Variants in LRRC49 observed in about 807,000 individuals in gnomAD.
LRRC49 encodes leucine-rich repeat-containing protein 49.
LRRC49 carries 50 observed loss-of-function variants against 83.3 expected under a neutral mutation model. The ratio of observed to expected loss-of-function variants is 0.60; its 90% confidence interval spans 0.48 to 0.76. LRRC49 has a LOEUF of 0.76. Among genes scored for constraint, LRRC49 ranks in the 30% least tolerant of loss-of-function variants. The pLI is 0.00. For synonymous variants in LRRC49, 286 were observed against 283.3 expected, an observed-to-expected ratio of 1.01 and a Z score of -0.10; for missense variants, 704 against 809.1, an observed-to-expected ratio of 0.87 and a Z score of 1.58.
chr15:70,911,064 G>A (rs1004960513), intron 5 of LRRC49, among the ~76,000 whole-genome samples: 1 of 152,110 alleles, frequency 6.6e-6, no homozygotes, highest in Non-Finnish European at 1.5e-5. Flanking sequence ...AGGGGAGTAG[G>A]AACAGCAAGA....
At chr15:70,953,943 G>T (rs966064749) in intron 8 of LRRC49, among the ~76,000 whole-genome samples, 1 of 151,864 alleles carries the variant, frequency 6.6e-6, no homozygotes, top group Admixed American at 6.6e-5. Flanking sequence ...CTCCTAGACT[G>T]TAGTGCAGTG....
intron 15 of LRRC49, among the ~76,000 whole-genome samples, chr15:71,047,881 A>G (rs1343071894): frequency 2.0e-5 from 3 of 151,786 alleles, no homozygotes; most frequent in Non-Finnish European, 2.9e-5. Flanking sequence ...GGTTCAAGCA[A>G]TTCTCCTGCC....
chr15:70,991,155 C>G (rs574948589), intron 11 of LRRC49, among the ~76,000 whole-genome samples: 1 of 152,300 alleles, frequency 6.6e-6, no homozygotes, highest in South Asian at 2.1e-4. Context: ...CTCACAACCT[C>G]TTTTCTTCTA....
At chr15:70,855,682 C>G (rs1448286193) in intron 1 of LRRC49, among the ~76,000 whole-genome samples, 5 of 152,286 alleles carry the variant, frequency 3.3e-5, no homozygotes, top group South Asian at 2.1e-4. Context: ...GAATCTGTGT[C>G]CCTTTCTTTG....
intron 9 of LRRC49, among the ~76,000 whole-genome samples, chr15:70,966,585 G>T (rs550610771): frequency 6.6e-6 from 1 of 152,148 alleles, no homozygotes; most frequent in South Asian, 2.1e-4. Context: ...AGTAGTTGTG[G>T]TTATTTAAAA....
chr15:70,917,062 C>T (rs1008419882), intron 6 of LRRC49, among the ~76,000 whole-genome samples: 5 of 152,196 alleles, frequency 3.3e-5, no homozygotes, highest in African/African-American at 1.2e-4. Flanking sequence ...GCCAAGTGTG[C>T]ACATGCTTGG....
intron 8 of LRRC49, among the ~76,000 whole-genome samples, chr15:70,944,776 C>T (rs1187101855): frequency 6.6e-6 from 1 of 152,164 alleles, no homozygotes; most frequent in Non-Finnish European, 1.5e-5. Flanking sequence ...ATTTTCTTTG[C>T]TCAGAAGGCC....
chr15:70,955,055 G>A lies in LRRC49; in HGVS notation c.774-8730G>A, dbSNP rs533485959. Among the ~76,000 whole-genome samples the A allele has an allele frequency of 3.3e-5, 5 of 152,118 alleles. No homozygotes were observed. The South Asian group carries it at 8.3e-4, about 25-fold the overall frequency. ...AGCTTGGGGTGCTGTGGGTAGGGTC[G>A]CTTCTGCAGGGGGAAACCATGGGTG... On this transcript the variant is annotated intron_variant, in intron 8 of 15. Transcript: ENST00000260382.
chr15:71,049,656 G>T lies in LRRC49; in HGVS notation c.*44G>T, dbSNP rs201642117. 2 of 1,379,390 alleles carry T rather than the reference G, an allele frequency of 1.4e-6. No homozygotes were observed. Among genetic ancestry groups the T allele is most frequent in the Non-Finnish European group, 2.0e-6 (2 of 979,452 alleles). The allele number at this position is 1,379,390 out of a possible 1,614,324, so 85.4% of individuals were successfully genotyped here. On this transcript the variant is annotated 3_prime_UTR_variant, in exon 16 of 16. Coordinates refer to ENST00000260382, the MANE Select transcript of LRRC49 (RefSeq NM_017691.5). The stretch of plus-strand genomic sequence containing the variant: ...GTTGATTTTGGCAGTTTTATTTTTT[G>T]AAGGTTGAAAATATGCAGGTTATAC...
At chr15:70,884,278 C>T (rs1290084460) in intron 2 of LRRC49, among the ~76,000 whole-genome samples, 1 of 152,054 alleles carries the variant, frequency 6.6e-6, no homozygotes, top group East Asian at 1.9e-4. Flanking sequence ...TAGCTCACGC[C>T]TCCCAGCACT....
chr15:71,011,972 G>A (rs1050842731), intron 13 of LRRC49, among the ~76,000 whole-genome samples: 1 of 151,918 alleles, frequency 6.6e-6, no homozygotes, highest in Non-Finnish European at 1.5e-5. Context: ...TTGTTGTGGG[G>A]GCTGTCCTCT....
Position 71,049,477 on chromosome 15 carries a change from C to T in LRRC49, c.1926C>T (p.Ile642=), listed in dbSNP as rs1326062249. ...ACCTTGTGAAGGAAGCCACAGAAAT[C>T]AACATGAAAAATGAGGCTTTGCAGA... The part of the protein sequence containing the change: ...IEDLVKEATE[I]NMKNEALQKL... Residue 642 remains isoleucine (I), a synonymous_variant, in exon 16 of 16, where the codon ATC becomes ATT. Transcript: ENST00000260382. 6.2e-7 allele frequency: 1 copy of T among 1,613,536 alleles called. No individual in the cohort carries two copies. The highest frequency in any genetic ancestry group is 1.1e-5 in the South Asian group (1 of 91,040).
intron 2 of LRRC49, among the ~76,000 whole-genome samples, chr15:70,879,772 G>A (rs2033225662): frequency 6.6e-6 from 1 of 152,144 alleles, no homozygotes; most frequent in Admixed American, 6.5e-5. Context: ...AAGTCCCACA[G>A]AGGAATATTT....
chr15:70,875,846 A>G lies in LRRC49; in HGVS notation c.18+2623A>G, dbSNP rs148160809. Among the ~76,000 whole-genome samples the G allele has an allele frequency of 2.0e-3, 298 of 152,356 alleles. 1 individual carries two copies. The highest frequency in any genetic ancestry group is 6.8e-3 in the Middle Eastern group (2 of 294). Reference sequence around the variant, plus strand: ...TGAAAGAAGCATCCAGGCTGTTGCCATGTCCCAATAATTTTTTCTCCCACT... The same window carrying G: ...TGAAAGAAGCATCCAGGCTGTTGCCGTGTCCCAATAATTTTTTCTCCCACT... On this transcript the variant is annotated intron_variant, in intron 2 of 16. Transcript: ENST00000544974.
intron 3 of LRRC49, chr15:70,900,298 T>A: frequency 2.7e-6 from 1 of 369,454 alleles, no homozygotes; most frequent in South Asian, 2.1e-5. Context: ...CTAACTACGG[T>A]ATGCTAGATT....
intron 14 of LRRC49, 73 bp downstream of exon 14, chr15:71,012,986 C>G: frequency 1.1e-6 from 1 of 893,710 alleles, no homozygotes; most frequent in Non-Finnish European, 1.8e-6. Flanking sequence ...CCACATACCT[C>G]CTAACTATGC....
chr15:70,972,351 C>A (rs1418366234), intron 9 of LRRC49, among the ~76,000 whole-genome samples: 1 of 152,206 alleles, frequency 6.6e-6, no homozygotes, highest in African/African-American at 2.4e-5. Flanking sequence ...GCAGAGAGAT[C>A]CAATGTTAGT....
chr15:70,892,481 C>G (rs1366029246), upstream of LRRC49: 3 of 1,529,830 alleles, frequency 2.0e-6, no homozygotes, highest in Non-Finnish European at 2.6e-6. Context: ...CTCCTCCTCC[C>G]TGCGCTGCTC....
intron 2 of LRRC49, chr15:70,882,533 GT>G: frequency 8.7e-6 from 14 of 1,613,850 alleles, no homozygotes; most frequent in Non-Finnish European, 1.2e-5. Flanking sequence ...GTCTGTATCT[GT>G]TTCTGAATCA....
Sources: gnomAD v4.1 joint callset for allele counts (sites outside exome capture counted in the v4.1 genomes callset) on GRCh38, gnomAD v4.1.1 for gene constraint, MANE v1.5 for transcripts, NCBI Gene and HGNC (gene_info 2026-07-23, HGNC 2026-07-21) for gene names.